KCNQ5: variants seen among roughly 807,000 people sequenced by gnomAD.
KCNQ5 encodes the protein potassium voltage-gated channel subfamily KQT member 5.
Under a neutral mutation model 98.2 loss-of-function variants are expected in KCNQ5, and 30 were observed. The ratio of observed to expected loss-of-function variants is 0.31; its 90% CI spans 0.23 to 0.41. KCNQ5 has a LOEUF of 0.41. KCNQ5 is among the 10% of genes least tolerant of loss of function. The pLI, the probability that KCNQ5 is intolerant of heterozygous loss-of-function variation, is 1.00. For missense variants in KCNQ5, 835 were observed against 1,182.5 expected (o/e 0.71, Z 4.31); for synonymous variants, 458 against 449.4 (o/e 1.02, Z -0.24).
At chr6:73,182,879 A>G (rs544578619) in intron 11 of KCNQ5, among the ~76,000 whole-genome samples, 3 of 152,356 alleles carry the variant, frequency 2.0e-5, no homozygotes, top group South Asian at 2.1e-4. Context: ...TATCCTACAA[A>G]TGAGGTAAAG....
intron 3 of KCNQ5, among the ~76,000 whole-genome samples, chr6:73,058,501 A>T (rs1253373220): frequency 6.6e-6 from 1 of 152,244 alleles, no homozygotes; most frequent in East Asian, 1.9e-4. Context: ...AGATTTTATG[A>T]CAAAGACAAA....
At chr6:73,145,789 T>C (rs1489918284) in intron 10 of KCNQ5, among the ~76,000 whole-genome samples, 9 of 152,244 alleles carry the variant, frequency 5.9e-5, no homozygotes, top group African/African-American at 2.2e-4. Flanking sequence ...ACTGGGTGAT[T>C]TATAAAGAAA....
intron 10 of KCNQ5, among the ~76,000 whole-genome samples, chr6:73,148,576 G>A (rs1247303161): frequency 6.6e-6 from 1 of 152,164 alleles, no homozygotes; most frequent in Admixed American, 6.5e-5. Context: ...CAGCAACCTA[G>A]TTTATTGTGG....
intron 10 of KCNQ5, among the ~76,000 whole-genome samples, chr6:73,149,079 A>G (rs1777036483): frequency 6.6e-6 from 1 of 152,214 alleles, no homozygotes; most frequent in Non-Finnish European, 1.5e-5. Context: ...AAAATACTGT[A>G]TCTACCATGC....
chr6:72,959,264 G>T (rs1313793912), intron 1 of KCNQ5, among the ~76,000 whole-genome samples: 2 of 152,104 alleles, frequency 1.3e-5, no homozygotes, highest in African/African-American at 4.8e-5. Context: ...ATCTGCCCAG[G>T]GCCTTTTGGG....
intron 1 of KCNQ5, among the ~76,000 whole-genome samples, chr6:72,760,293 G>T (rs1270783564): frequency 6.6e-6 from 1 of 152,122 alleles, no homozygotes; most frequent in African/African-American, 2.4e-5. Flanking sequence ...AGTGTAGCAA[G>T]GTCTCCTGGG....
At chr6:72,730,681 C>T (rs1750097174) in intron 1 of KCNQ5, among the ~76,000 whole-genome samples, 1 of 152,064 alleles carries the variant, frequency 6.6e-6, no homozygotes, top group Non-Finnish European at 1.5e-5. Context: ...CATCTCTATT[C>T]ATGCAGTAGC....
chr6:72,632,283 G>C (rs368290883), intron 1 of KCNQ5, among the ~76,000 whole-genome samples: 1 of 151,512 alleles, frequency 6.6e-6, no homozygotes, highest in Non-Finnish European at 1.5e-5. Context: ...GACTACAGGC[G>C]CCCGCGACCA....
At chr6:72,909,306 T>C (rs867885698) in intron 1 of KCNQ5, among the ~76,000 whole-genome samples, 2 of 152,092 alleles carry the variant, frequency 1.3e-5, no homozygotes, top group Admixed American at 6.6e-5. Context: ...CTGAGTGAAG[T>C]TTTAAAAATA....
At chr6:73,056,423 A>G (rs1275687383) in intron 3 of KCNQ5, among the ~76,000 whole-genome samples, 1 of 152,146 alleles carries the variant, frequency 6.6e-6, no homozygotes, top group Non-Finnish European at 1.5e-5. Flanking sequence ...AGTATAGTGT[A>G]TATAAATAAT....
intron 1 of KCNQ5, among the ~76,000 whole-genome samples, chr6:72,693,125 A>G (rs543946089): frequency 6.6e-6 from 1 of 152,316 alleles, no homozygotes; most frequent in South Asian, 2.1e-4. Flanking sequence ...TATAGATAAT[A>G]ATTAAAGCCA....
At chr6:73,168,568 T>C (rs890309238) in intron 10 of KCNQ5, among the ~76,000 whole-genome samples, 3 of 152,078 alleles carry the variant, frequency 2.0e-5, no homozygotes, top group Non-Finnish European at 4.4e-5. Flanking sequence ...CTGAGTGTGG[T>C]GGTGCGGTCC....
chr6:72,701,294 C>T (rs143514181), intron 1 of KCNQ5, among the ~76,000 whole-genome samples: 15 of 152,274 alleles, frequency 9.9e-5, no homozygotes, highest in East Asian at 5.8e-4. Context: ...ACTTACATAA[C>T]GTTTAAGGCT....
At chr6:72,876,698 A>G (rs936859218) in intron 1 of KCNQ5, among the ~76,000 whole-genome samples, 1 of 152,214 alleles carries the variant, frequency 6.6e-6, no homozygotes, top group African/African-American at 2.4e-5. Flanking sequence ...TATACTAAGC[A>G]TTTGTTTCAT....
At chr6:73,165,036 C>T (rs7747411) in intron 10 of KCNQ5, among the ~76,000 whole-genome samples, 107,642 of 151,870 alleles carry the variant, frequency 0.71, 39,438 homozygotes, top group African/African-American at 0.88. Context: ...TGGAGTGAAG[C>T]AGTACAATCA....
intron 1 of KCNQ5, among the ~76,000 whole-genome samples, chr6:72,777,854 G>C (rs16882869): frequency 0.094 from 14,268 of 152,108 alleles, 935 homozygotes; most frequent in East Asian, 0.28. Flanking sequence ...CTTGACTGTG[G>C]GTGATTGTGC....
chr6:73,142,416 C>T (rs769336586), intron 10 of KCNQ5, among the ~76,000 whole-genome samples: 2 of 151,928 alleles, frequency 1.3e-5, no homozygotes, highest in Non-Finnish European at 2.9e-5. Flanking sequence ...TCGACCTCTC[C>T]GTTACCTACC....
At chr6:73,027,911 G>A (rs542490613) in intron 2 of KCNQ5, among the ~76,000 whole-genome samples, 3 of 152,218 alleles carry the variant, frequency 2.0e-5, no homozygotes, top group East Asian at 3.9e-4. Context: ...TGTAAAAATG[G>A]GAACTTTCAA....
chr6:72,929,405 C>T (rs368000026), intron 1 of KCNQ5, among the ~76,000 whole-genome samples: 32 of 152,188 alleles, frequency 2.1e-4, no homozygotes, highest in African/African-American at 6.7e-4. Flanking sequence ...AAAAAGTGCA[C>T]TCTCAGTTGT....
Sources: gnomAD v4.1 joint callset for allele counts (sites outside exome capture counted in the v4.1 genomes callset) on GRCh38, gnomAD v4.1.1 for gene constraint, MANE v1.5 for transcripts, NCBI Gene and HGNC (gene_info 2026-07-23, HGNC 2026-07-21) for gene names.